The following PCNX1 variants were observed in gnomAD, a reference collection of about 807,000 sequenced individuals.
The protein encoded by PCNX1 is pecanex-like protein 1.
Under a neutral mutation model 242.2 loss-of-function variants are expected in PCNX1, and 78 were observed. The observed-to-expected ratio is 0.32, with a 90% CI of 0.27 to 0.39. The LOEUF is 0.39. Ranked by LOEUF, PCNX1 falls within the 10% of genes least tolerant of loss-of-function variation. PCNX1 has a pLI of 1.00. For synonymous variants in PCNX1, 1,024 were observed against 1,032.9 expected, an observed-to-expected ratio of 0.99 and a Z score of 0.17; for missense variants, 2,581 against 2,856.5, an observed-to-expected ratio of 0.90 and a Z score of 2.20.
intron 28 of PCNX1, among the ~76,000 whole-genome samples, chr14:71,080,503 G>A (rs2061827322): frequency 6.6e-6 from 1 of 152,194 alleles, no homozygotes; most frequent in African/African-American, 2.4e-5. Context: ...TCCTATCCAT[G>A]AGCATGGAAT....
At chr14:71,078,349 C>A (rs1168467296) in intron 28 of PCNX1, among the ~76,000 whole-genome samples, 2 of 152,270 alleles carry the variant, frequency 1.3e-5, no homozygotes, top group African/African-American at 4.8e-5. Flanking sequence ...ACTGTAGTGC[C>A]CTCATCTGAA....
chr14:70,908,570 C>G (rs1365808756), intron 1 of PCNX1, among the ~76,000 whole-genome samples: 1 of 152,246 alleles, frequency 6.6e-6, no homozygotes, highest in Non-Finnish European at 1.5e-5. Flanking sequence ...CCGGGCTCGT[C>G]CTCCAGGGGT....
chr14:71,020,367 C>T (rs184239686), intron 12 of PCNX1, among the ~76,000 whole-genome samples: 8 of 152,294 alleles, frequency 5.3e-5, no homozygotes, highest in African/African-American at 1.9e-4. Context: ...CACTGTCTTT[C>T]ATAATGGTTG....
intron 19 of PCNX1, among the ~76,000 whole-genome samples, chr14:71,036,977 G>A (rs1376828196): frequency 2.0e-5 from 3 of 151,854 alleles, no homozygotes; most frequent in Non-Finnish European, 2.9e-5. Context: ...GCAGCGGTTT[G>A]TAGTTCTCCT....
chr14:70,961,125 A>C (rs1440099864), intron 2 of PCNX1, among the ~76,000 whole-genome samples: 1 of 152,204 alleles, frequency 6.6e-6, no homozygotes, highest in Non-Finnish European at 1.5e-5. Flanking sequence ...CATCCCCATC[A>C]ACCTACCAAT....
At position 71,102,152 on chromosome 14, in the gene PCNX1, G is replaced by C. The variant is rs765866576; in HGVS notation, c.5752G>C (p.Asp1918His). The change falls in exon 31 of 36, where the codon GAT (aspartate) becomes CAT (histidine). Residue 1918 changes from aspartate (D) to histidine (H), a missense_variant. Transcript: ENST00000304743. ...CTTGCTTGCTCTGCGGCATGTCATG[G>C]ATGATGGCACCAATGAATATAAAAT... is the stretch of plus-strand genomic sequence containing the variant. ...PSLLALRHVM[D>H]DGTNEYKIIM... 1.2e-6 allele frequency: 2 copies of C among 1,614,136 alleles called. No homozygotes were observed. Among genetic ancestry groups the C allele is most frequent in the Non-Finnish European group, 1.7e-6 (2 of 1,180,006 alleles).
chr14:70,939,883 A>G (rs568297027), intron 1 of PCNX1, among the ~76,000 whole-genome samples: 5 of 152,298 alleles, frequency 3.3e-5, no homozygotes, highest in Admixed American at 6.5e-5. Flanking sequence ...CCGTTATGCA[A>G]TGGCCTTCTT....
At chr14:71,104,392 A>C (rs1434219451) in intron 32 of PCNX1, among the ~76,000 whole-genome samples, 1 of 152,160 alleles carries the variant, frequency 6.6e-6, no homozygotes, top group Non-Finnish European at 1.5e-5. Flanking sequence ...GTGTTCAAAG[A>C]AATTTTCTTT....
intron 30 of PCNX1, among the ~76,000 whole-genome samples, chr14:71,091,882 G>A (rs1259185172): frequency 6.6e-6 from 1 of 152,132 alleles, no homozygotes; most frequent in African/African-American, 2.4e-5. Flanking sequence ...TGCTTAAAAC[G>A]CCGTGTGGCA....
intron 19 of PCNX1, among the ~76,000 whole-genome samples, chr14:71,039,703 C>G: frequency 6.6e-6 from 1 of 152,128 alleles, no homozygotes. Context: ...CCTCCATGAT[C>G]GACATCCCTT....
intron 11 of PCNX1, among the ~76,000 whole-genome samples, chr14:71,017,634 CAA>C (rs2059994146): frequency 6.6e-6 from 1 of 152,116 alleles, no homozygotes; most frequent in East Asian, 1.9e-4. Context: ...ATCATTAAAA[CAA>C]AATTTGATAC....
In PCNX1 at chr14:71,114,714, A is replaced by G. The variant is rs2062820648; in HGVS notation, c.*4779A>G. The G allele has an allele frequency of 6.6e-6, 1 of 152,506 alleles. No individual in the cohort carries two copies. Among genetic ancestry groups the G allele is most frequent in the African/African-American group, 2.4e-5 (1 of 41,406 alleles). The allele number at this position is 152,506 out of a possible 1,614,324, so 9.4% of individuals were successfully genotyped here. On this transcript the variant is annotated 3_prime_UTR_variant, in exon 36 of 36. Transcript: ENST00000304743. ...TTATGCCTCAGCTCTGTACCTGACA[A>G]TTTATGATTCAGTGGAGCCAAGCTA...
At chr14:71,049,202 C>A in intron 22 of PCNX1, 2 of 521,366 alleles carry the variant, frequency 3.8e-6, no homozygotes, top group Non-Finnish European at 4.9e-6. Flanking sequence ...TTTGGATTTT[C>A]TTAATACTTT....
chr14:70,973,960 T>G lies in PCNX1; in HGVS notation c.605-2982T>G, dbSNP rs551450566. Among the ~76,000 whole-genome samples the G allele has an allele frequency of 3.9e-5, 6 of 152,180 alleles. No homozygotes were observed. The South Asian group carries it at 8.3e-4, about 21-fold the overall frequency. On this transcript the variant is annotated intron_variant, in intron 5 of 35. Transcript: ENST00000304743. ...TACTCCAGTAAGAAACCTGCACCCA[T>G]TACACTCCCCATTTCCCCTTCAAGC...
At chr14:71,040,598 G>C (rs2060675563) in intron 19 of PCNX1, among the ~76,000 whole-genome samples, 1 of 152,048 alleles carries the variant, frequency 6.6e-6, no homozygotes, top group Non-Finnish European at 1.5e-5. Context: ...GGCATGCAGT[G>C]TGTAATAATC....
At chr14:71,016,939 G>A (rs2059975519) in intron 11 of PCNX1, among the ~76,000 whole-genome samples, 1 of 152,116 alleles carries the variant, frequency 6.6e-6, no homozygotes, top group Non-Finnish European at 1.5e-5. Context: ...AACATCAGTT[G>A]TATCAATTGA....
chr14:70,993,289 T>C (rs1458074160), intron 7 of PCNX1, among the ~76,000 whole-genome samples: 1 of 147,362 alleles, frequency 6.8e-6, no homozygotes, highest in Non-Finnish European at 1.5e-5. Context: ...CCCGGCTAAT[T>C]TTTTTTTTTT....
intron 28 of PCNX1, among the ~76,000 whole-genome samples, chr14:71,077,666 C>G (rs1180804395): frequency 6.6e-6 from 1 of 151,990 alleles, no homozygotes; most frequent in Non-Finnish European, 1.5e-5. Context: ...ATAAAATAAC[C>G]TCACAAAAGG....
chr14:71,098,553 T>TGTGTGTGTGAGAGAGAGA (rs60367565), intron 30 of PCNX1, among the ~76,000 whole-genome samples: 25 of 125,730 alleles, frequency 2.0e-4, no homozygotes, highest in African/African-American at 5.4e-4. Context: ...TGTGTGTGTG[T>TGTGTGTGTGAGAGAGAGA]GAGAGAGAGA....
Sources: allele counts gnomAD v4.1 joint callset (sites outside exome capture counted in the v4.1 genomes callset), GRCh38; gene constraint gnomAD v4.1.1; transcripts MANE v1.5; gene names NCBI Gene and HGNC (gene_info 2026-07-23, HGNC 2026-07-21).